Variants in DAB1 observed in about 807,000 individuals in gnomAD.
DAB1 encodes DAB adaptor protein 1.
In DAB1, 15 loss-of-function variants were observed where a neutral mutation model predicts 64.6. That is an observed-to-expected ratio of 0.23 (90% CI 0.16 to 0.36). The LOEUF (loss-of-function observed/expected upper bound fraction) is 0.36, where lower values mean the gene tolerates loss of function less well. DAB1 is among the 10% of genes least tolerant of loss of function. The pLI, the probability that DAB1 is intolerant of heterozygous loss-of-function variation, is 1.00. For synonymous variants in DAB1, 235 were observed against 251.9 expected (o/e 0.93, Z 0.64); for missense variants, 596 against 706.7 (o/e 0.84, Z 1.78).
intron 4 of DAB1, among the ~76,000 whole-genome samples, chr1:58,154,044 TAGTC>T (rs1339233496): frequency 6.6e-6 from 1 of 151,842 alleles, no homozygotes. Flanking sequence ...CAGACTCAAA[TAGTC>T]AGCGATTCCC....
At chr1:57,402,558 A>G (rs140658977) in intron 1 of DAB1, among the ~76,000 whole-genome samples, 70 of 152,310 alleles carry the variant, frequency 4.6e-4, no homozygotes, top group African/African-American at 1.5e-3. Context: ...CCTGATTCCT[A>G]GATTATCTGG....
At chr1:57,114,207 T>G (rs1275968875) in intron 4 of DAB1, among the ~76,000 whole-genome samples, 1 of 152,200 alleles carries the variant, frequency 6.6e-6, no homozygotes, top group Non-Finnish European at 1.5e-5. Context: ...TGTTTGTGAA[T>G]AGACCGCTAC....
intron 6 of DAB1, among the ~76,000 whole-genome samples, chr1:57,788,052 A>G (rs1456053487): frequency 6.6e-6 from 1 of 152,144 alleles, no homozygotes; most frequent in Non-Finnish European, 1.5e-5. Context: ...GGAACTCTCA[A>G]ATACTATTGG....
rs577812814 is a variant in DAB1 at position 57,057,670 on chromosome 1, T to C, written c.723+5214A>G. 8.5e-4 allele frequency among the ~76,000 whole-genome samples: 128 copies of C among 150,804 alleles called. 1 individual carries two copies. Among genetic ancestry groups the C allele is most frequent in the Middle Eastern group, 3.4e-3 (1 of 292 alleles). On this transcript the variant is annotated intron_variant, in intron 9 of 14. Transcript: ENST00000371236. ...TTGCCCAGGCTGGAGTGCAGTGGCA[T>C]GATCTCGGCTCACTGCAAGCTCTGC...
rs1222401993 is a variant in DAB1 at position 57,970,323 on chromosome 1, A to C, written n.388-86161T>G. Among the ~76,000 whole-genome samples, 8 of 152,264 alleles carry C rather than the reference A, an allele frequency of 5.3e-5. No individual in the cohort carries two copies. The East Asian group carries it at 1.5e-3, about 29-fold the overall frequency. ...AGCTTGGCTTCAGGAGCAGCCAAAA[A>C]ACACATGGTAGAGAATACTACAGCC... is the stretch of plus-strand genomic sequence containing the variant. On this transcript the variant is annotated intron_variant and non_coding_transcript_variant, in intron 5 of 20. Coordinates refer to the DAB1 transcript ENST00000485760.
intron 1 of DAB1, among the ~76,000 whole-genome samples, chr1:57,883,513 C>G (rs548360771): frequency 2.0e-5 from 3 of 152,322 alleles, no homozygotes; most frequent in Admixed American, 2.0e-4. Flanking sequence ...TTGTTTAATA[C>G]GGTCAGACCC....
At chr1:58,430,440 G>T (rs1644859701) in intron 3 of DAB1, among the ~76,000 whole-genome samples, 1 of 152,126 alleles carries the variant, frequency 6.6e-6, no homozygotes, top group African/African-American at 2.4e-5. Flanking sequence ...TAATGTAAGA[G>T]ATCATATCAG....
At chr1:57,251,282 C>A (rs1669317390) in intron 2 of DAB1, among the ~76,000 whole-genome samples, 1 of 152,164 alleles carries the variant, frequency 6.6e-6, no homozygotes, top group Non-Finnish European at 1.5e-5. Flanking sequence ...GGCTTTGGGA[C>A]TGCCAACTTA....
chr1:58,424,681 T>A lies in DAB1; in HGVS notation n.258-81278A>T, dbSNP rs111788196. Among the ~76,000 whole-genome samples the A allele has an allele frequency of 4.2e-3, 635 of 152,282 alleles. 8 individuals are homozygous for A. Among genetic ancestry groups the A allele is most frequent in the African/African-American group, 0.014 (597 of 41,568 alleles). On this transcript the variant is annotated intron_variant and non_coding_transcript_variant, in intron 3 of 20. Coordinates refer to the DAB1 transcript ENST00000485760. ...GGAGACAAGGAGACCAGTTAAGAGC[T>A]GTGACAATTGTTTTGGGATGAAGGA...
At chr1:58,064,697 GTATT>G (rs1251751188) in intron 5 of DAB1, among the ~76,000 whole-genome samples, 12 of 111,322 alleles carry the variant, frequency 1.1e-4, no homozygotes, top group African/African-American at 3.4e-4. Flanking sequence ...ATTTATTTAT[GTATT>G]TATTTATGTA....
intron 4 of DAB1, among the ~76,000 whole-genome samples, chr1:58,190,670 G>A (rs1657337267): frequency 6.6e-6 from 1 of 152,226 alleles, no homozygotes. Context: ...AGGGGGCAGA[G>A]CCTCTGGGGC....
intron 2 of DAB1, among the ~76,000 whole-genome samples, chr1:57,268,577 A>T (rs947674847): frequency 2.6e-5 from 4 of 151,558 alleles, no homozygotes; most frequent in Non-Finnish European, 5.9e-5. Flanking sequence ...GGTGAAAAAT[A>T]AAAAAACCAG....
At chr1:58,287,118 T>C (rs1242870212) in intron 4 of DAB1, among the ~76,000 whole-genome samples, 2 of 152,068 alleles carry the variant, frequency 1.3e-5, no homozygotes, top group East Asian at 3.9e-4. Flanking sequence ...AGCCAAACAA[T>C]GTAAATACAT....
At chr1:58,466,156 G>A (rs1645294009) in intron 3 of DAB1, among the ~76,000 whole-genome samples, 1 of 152,150 alleles carries the variant, frequency 6.6e-6, no homozygotes, top group East Asian at 1.9e-4. Flanking sequence ...GCGGGGCAGG[G>A]ATAATGAGGA....
intron 2 of DAB1, among the ~76,000 whole-genome samples, chr1:57,286,252 AG>A (rs1289471408): frequency 6.6e-6 from 1 of 152,190 alleles, no homozygotes; most frequent in Non-Finnish European, 1.5e-5. Flanking sequence ...GGAACTCTAA[AG>A]GGCCTTTATG....
At chr1:57,430,800 AT>A in intron 7 of DAB1, among the ~76,000 whole-genome samples, 1 of 152,134 alleles carries the variant, frequency 6.6e-6, no homozygotes, top group Non-Finnish European at 1.5e-5. Context: ...GTTCATGCTT[AT>A]AATCAAATTC....
intron 1 of DAB1, among the ~76,000 whole-genome samples, chr1:57,335,719 G>A (rs1225420724): frequency 6.6e-6 from 1 of 152,038 alleles, no homozygotes; most frequent in Non-Finnish European, 1.5e-5. Context: ...TTGTATTAAC[G>A]AAAATGAGGA....
chr1:57,857,266 G>T (rs1349663384), intron 1 of DAB1, among the ~76,000 whole-genome samples: 1 of 152,210 alleles, frequency 6.6e-6, no homozygotes, highest in East Asian at 1.9e-4. Context: ...AGAAAAAAGT[G>T]CTAGATTGAT....
chr1:57,344,478 T>C (rs957688325), intron 1 of DAB1, among the ~76,000 whole-genome samples: 3 of 152,106 alleles, frequency 2.0e-5, no homozygotes, highest in Admixed American at 2.0e-4. Flanking sequence ...TTGGTTTGAA[T>C]GAGGACTGTC....
Sources: gnomAD v4.1 joint callset for allele counts (sites outside exome capture counted in the v4.1 genomes callset) on GRCh38, gnomAD v4.1.1 for gene constraint, MANE v1.5 for transcripts, NCBI Gene and HGNC (gene_info 2026-07-23, HGNC 2026-07-21) for gene names.